The following PEAK1 variants were observed in gnomAD, a reference collection of about 807,000 sequenced individuals.
PEAK1 encodes the protein pseudopodium enriched atypical kinase 1, also known as inactive tyrosine-protein kinase PEAK1.
A neutral mutation model predicts 124.7 loss-of-function variants in PEAK1; 54 were observed. The observed-to-expected ratio is 0.43, with a 90% CI of 0.35 to 0.54. PEAK1 has a LOEUF of 0.54. Among genes scored for constraint, PEAK1 ranks in the 20% least tolerant of loss-of-function variants. PEAK1 has a pLI of 0.01. For missense variants in PEAK1, 2,046 were observed against 2,134.5 expected, an observed-to-expected ratio of 0.96 and a Z score of 0.82; for synonymous variants, 719 against 760.0, an observed-to-expected ratio of 0.95 and a Z score of 0.89.
chr15:77,274,966 C>T (rs1021525213), intron 5 of PEAK1, among the ~76,000 whole-genome samples: 1 of 151,978 alleles, frequency 6.6e-6, no homozygotes, highest in Non-Finnish European at 1.5e-5. Context: ...GTATATATAC[C>T]ATGGAATACT....
At chr15:77,174,964 T>C (rs2056756803) in intron 7 of PEAK1, among the ~76,000 whole-genome samples, 2 of 151,648 alleles carry the variant, frequency 1.3e-5, no homozygotes, top group East Asian at 3.9e-4. Context: ...TACAACTATC[T>C]GATCTTTGAC....
At chr15:77,350,057 G>T (rs548553720) in intron 2 of PEAK1, 2 of 985,256 alleles carry the variant, frequency 2.0e-6, no homozygotes, top group African/African-American at 3.5e-5. Context: ...CAGCCACCAT[G>T]ATAGTTTTCA....
chr15:77,149,270 A>G (rs1228046162), intron 8 of PEAK1, among the ~76,000 whole-genome samples: 1 of 152,216 alleles, frequency 6.6e-6, no homozygotes, highest in African/African-American at 2.4e-5. Flanking sequence ...AGTAAAAATG[A>G]TGGTAAGCCT....
chr15:77,280,692 A>T (rs914595749), intron 5 of PEAK1, among the ~76,000 whole-genome samples: 3 of 152,130 alleles, frequency 2.0e-5, no homozygotes, highest in Admixed American at 6.5e-5. Context: ...TTGACTCCAC[A>T]AACTTCCTTC....
chr15:77,143,873 A>G (rs1006900985), intron 8 of PEAK1, among the ~76,000 whole-genome samples: 4 of 152,220 alleles, frequency 2.6e-5, no homozygotes, highest in African/African-American at 9.6e-5. Context: ...CCAAGCAAAG[A>G]ATCTGGGCTG....
In PEAK1 at chr15:77,371,485, C is replaced by T. The variant is rs1022510017; in HGVS notation, c.-665-6260G>A. The T allele has an allele frequency of 1.3e-4, 132 of 979,408 alleles. 1 individual carries two copies. Among genetic ancestry groups the T allele is most frequent in the Non-Finnish European group, 1.6e-4 (130 of 825,364 alleles). 60.7% of individuals were successfully genotyped at this position (979,408 alleles called of 1,614,324 possible). On this transcript the variant is annotated intron_variant, in intron 1 of 9. Transcript: ENST00000682557. ...CATGTAACTCAGATCTTTATTGTAG[C>T]CTTTGTTGTAACACTACACACATAC...
rs536508287 is a variant in PEAK1 at position 77,280,020 on chromosome 15, T to A, written c.-275+3863A>T. 9.9e-5 allele frequency among the ~76,000 whole-genome samples: 15 copies of A among 152,234 alleles called. No homozygotes were observed. In the South Asian group the frequency reaches 2.7e-3, roughly 27 times the overall value. On this transcript the variant is annotated intron_variant, in intron 5 of 9. Coordinates refer to ENST00000682557, the MANE Select transcript of PEAK1 (RefSeq NM_001385026.1). ...AGTGGTAGTTGTATGGATCCGAACA[T>A]GTGTTAAAGCTCACAGAACTTATGT...
chr15:77,144,145 G>A (rs1173434142), intron 8 of PEAK1, among the ~76,000 whole-genome samples: 1 of 152,172 alleles, frequency 6.6e-6, no homozygotes, highest in Non-Finnish European at 1.5e-5. Context: ...GTGAAGAACG[G>A]CTGATCGTGT....
intron 1 of PEAK1, among the ~76,000 whole-genome samples, chr15:77,399,891 G>A (rs1166924411): frequency 6.6e-6 from 1 of 152,116 alleles, no homozygotes; most frequent in African/African-American, 2.4e-5. Flanking sequence ...CACAGAATGG[G>A]AGAAAATATT....
At chr15:77,406,221 G>A (rs1198224145) in intron 1 of PEAK1, among the ~76,000 whole-genome samples, 1 of 152,196 alleles carries the variant, frequency 6.6e-6, no homozygotes, top group Non-Finnish European at 1.5e-5. Context: ...AGGTTTAGCA[G>A]TATGGATGTA....
At chr15:77,264,301 G>C (rs998789621) in intron 5 of PEAK1, among the ~76,000 whole-genome samples, 1 of 152,084 alleles carries the variant, frequency 6.6e-6, no homozygotes, top group Admixed American at 6.6e-5. Flanking sequence ...ATTAGGAAAA[G>C]AGGAAGTCAA....
chr15:77,251,538 A>G (rs2060882443), intron 6 of PEAK1, among the ~76,000 whole-genome samples: 1 of 152,210 alleles, frequency 6.6e-6, no homozygotes, highest in Non-Finnish European at 1.5e-5. Context: ...ATAAAGTTCA[A>G]AAAATAACAC....
chr15:77,151,306 G>C (rs1236059237), intron 8 of PEAK1, among the ~76,000 whole-genome samples: 1 of 152,040 alleles, frequency 6.6e-6, no homozygotes, highest in African/African-American at 2.4e-5. Flanking sequence ...CTGCATAAAT[G>C]TCTTCTTTTG....
chr15:77,200,160 G>A (rs112582972), intron 6 of PEAK1, among the ~76,000 whole-genome samples: 1 of 152,138 alleles, frequency 6.6e-6, no homozygotes, highest in Non-Finnish European at 1.5e-5. Context: ...TACTCAACGT[G>A]AAGACAAGAT....
chr15:77,140,962 C>T (rs760871834), intron 8 of PEAK1, among the ~76,000 whole-genome samples: 5 of 152,108 alleles, frequency 3.3e-5, no homozygotes, highest in Non-Finnish European at 7.4e-5. Flanking sequence ...CTTGGCCTCC[C>T]AAAGTGATGG....
At chr15:77,146,082 C>T (rs761224551) in intron 8 of PEAK1, among the ~76,000 whole-genome samples, 4 of 152,186 alleles carry the variant, frequency 2.6e-5, no homozygotes, top group Admixed American at 1.3e-4. Flanking sequence ...GAGACCATCG[C>T]CTCCACTAGT....
At chr15:77,158,386 A>G (rs1357754578) in intron 8 of PEAK1, 117 bp downstream of exon 8, 2 of 959,252 alleles carry the variant, frequency 2.1e-6, no homozygotes, top group African/African-American at 1.6e-5. Flanking sequence ...TGTAACTCCA[A>G]TGGTCCAAAT....
rs568214409 is a variant in PEAK1, at chr15:77,350,536, T to C, written c.-603+14627A>G. The C allele has an allele frequency of 2.2e-5, 22 of 980,480 alleles. No homozygotes were observed. The East Asian group carries it at 1.4e-3, about 61-fold the overall frequency. The allele number at this position is 980,480 out of a possible 1,614,324, so 60.7% of individuals were successfully genotyped here. A position where few individuals can be genotyped will look rare whatever the true frequency, so the allele number is the denominator to read the frequency against. ...CATTTGAAAAAACATGATAATACAA[T>C]TGTGAGTCTCCTTAGTGTTAAATTT... On this transcript the variant is annotated intron_variant, in intron 2 of 9. Transcript: ENST00000682557.
At chr15:77,268,696 A>AC (rs940814173) in intron 5 of PEAK1, among the ~76,000 whole-genome samples, 9 of 152,060 alleles carry the variant, frequency 5.9e-5, no homozygotes, top group African/African-American at 2.2e-4. Context: ...AAACATCACC[A>AC]CCTAGGCACA....
Sources: gnomAD v4.1 joint callset for allele counts (sites outside exome capture counted in the v4.1 genomes callset) on GRCh38, gnomAD v4.1.1 for gene constraint, MANE v1.5 for transcripts, NCBI Gene and HGNC (gene_info 2026-07-23, HGNC 2026-07-21) for gene names.